The following BMPR1A variants were observed in gnomAD, a reference collection of about 807,000 sequenced individuals.
BMPR1A encodes the protein bone morphogenetic protein receptor type-1A.
In BMPR1A, 7 loss-of-function variants were observed where a neutral mutation model predicts 66.0. That is an observed-to-expected ratio of 0.11 (90% CI 0.06 to 0.20). The LOEUF (loss-of-function observed/expected upper bound fraction) is 0.20. Among genes scored for constraint, BMPR1A ranks in the 10% least tolerant of loss-of-function variants. The probability of loss-of-function intolerance (pLI) is 1.00; values close to 1 mark genes in which losing one functional copy is unlikely to be tolerated. For missense variants in BMPR1A, 408 were observed against 669.1 expected (o/e 0.61, Z 4.31); for synonymous variants, 200 against 229.7 (o/e 0.87, Z 1.17).
At chr10:86,758,855 A>G (rs1159228796) in intron 1 of BMPR1A, among the ~76,000 whole-genome samples, 1 of 152,206 alleles carries the variant, frequency 6.6e-6, no homozygotes, top group Non-Finnish European at 1.5e-5. Flanking sequence ...AGTTTTCTGT[A>G]AGATTTAACA....
At chr10:86,889,334 A>G (rs943033250) in intron 3 of BMPR1A, among the ~76,000 whole-genome samples, 2 of 152,222 alleles carry the variant, frequency 1.3e-5, no homozygotes, top group African/African-American at 4.8e-5. Flanking sequence ...TCCAGATAAC[A>G]TGATTGGTCC....
chr10:86,912,424 T>C (rs1843505388), intron 8 of BMPR1A, 40 bp downstream of exon 8: 1 of 1,609,846 alleles, frequency 6.2e-7, no homozygotes, highest in African/African-American at 1.3e-5. Context: ...GGTGTGTTGA[T>C]TTAGAATGTG....
chr10:86,846,147 A>T (rs759076682), intron 2 of BMPR1A, among the ~76,000 whole-genome samples: 5 of 152,236 alleles, frequency 3.3e-5, no homozygotes, highest in Non-Finnish European at 7.4e-5. Context: ...TTGTGCTGGC[A>T]GTAGGGTGTT....
At chr10:86,775,401 T>C (rs1024532741) in intron 1 of BMPR1A, among the ~76,000 whole-genome samples, 1 of 152,200 alleles carries the variant, frequency 6.6e-6, no homozygotes. Context: ...GCTTTCAGTT[T>C]CCTGCTTATC....
At chr10:86,793,072 T>G (rs77353392) in intron 1 of BMPR1A, among the ~76,000 whole-genome samples, 1 of 151,940 alleles carries the variant, frequency 6.6e-6, no homozygotes, top group African/African-American at 2.4e-5. Context: ...CTATGTGTCC[T>G]TTTTTCATCC....
intron 1 of BMPR1A, among the ~76,000 whole-genome samples, chr10:86,810,342 G>A (rs993866829): frequency 1.3e-5 from 2 of 152,088 alleles, no homozygotes; most frequent in African/African-American, 4.8e-5. Flanking sequence ...AGGCATTTGG[G>A]TTATTTTCAC....
At chr10:86,869,583 TC>T (rs1842827813) in intron 2 of BMPR1A, among the ~76,000 whole-genome samples, 1 of 151,104 alleles carries the variant, frequency 6.6e-6, no homozygotes, top group Non-Finnish European at 1.5e-5. Context: ...ATGGAGAAAC[TC>T]CATCTCTACT....
At chr10:86,850,885 G>A (rs1219248004) in intron 2 of BMPR1A, among the ~76,000 whole-genome samples, 1 of 152,094 alleles carries the variant, frequency 6.6e-6, no homozygotes, top group Non-Finnish European at 1.5e-5. Context: ...CATAAAGTAG[G>A]TGCATTGTTC....
chr10:86,813,291 A>G (rs748022777), intron 1 of BMPR1A, among the ~76,000 whole-genome samples: 6 of 152,114 alleles, frequency 3.9e-5, no homozygotes, highest in Non-Finnish European at 7.3e-5. Context: ...CTACCTTATA[A>G]AATGAGACTT....
intron 3 of BMPR1A, among the ~76,000 whole-genome samples, chr10:86,884,909 TTA>T (rs1843050456): frequency 6.6e-6 from 1 of 152,348 alleles, no homozygotes; most frequent in Non-Finnish European, 1.5e-5. Context: ...TATGCAGTTT[TTA>T]TGTTCAACTG....
At chr10:86,768,882 T>G (rs1337017871) in intron 1 of BMPR1A, among the ~76,000 whole-genome samples, 3 of 151,878 alleles carry the variant, frequency 2.0e-5, no homozygotes, top group Non-Finnish European at 4.4e-5. Flanking sequence ...TCAGGGCTAC[T>G]GTGAGGACTA....
chr10:86,905,618 G>A (rs1419120888), intron 7 of BMPR1A, among the ~76,000 whole-genome samples: 20 of 151,994 alleles, frequency 1.3e-4, no homozygotes, highest in Non-Finnish European at 1.5e-5. Context: ...ACTCACTCTT[G>A]TTGATGTTTG....
chr10:86,921,366 G>A (rs539320786), intron 10 of BMPR1A, among the ~76,000 whole-genome samples, 154 bp from the exon 11 acceptor site: 10 of 152,260 alleles, frequency 6.6e-5, no homozygotes, highest in Non-Finnish European at 1.0e-4. Context: ...GTAGTATGTA[G>A]CATGTATTTA....
At chr10:86,810,636 T>C (rs568650150) in intron 1 of BMPR1A, among the ~76,000 whole-genome samples, 1 of 152,378 alleles carries the variant, frequency 6.6e-6, no homozygotes, top group African/African-American at 2.4e-5. Flanking sequence ...TCGTGTTTTT[T>C]ATTTGTGTTT....
At chr10:86,835,376 C>T (rs886382536) in intron 1 of BMPR1A, among the ~76,000 whole-genome samples, 1 of 149,654 alleles carries the variant, frequency 6.7e-6, no homozygotes, top group African/African-American at 2.5e-5. Flanking sequence ...CCAGCCTGGC[C>T]AACATGGTGA....
intron 5 of BMPR1A, among the ~76,000 whole-genome samples, chr10:86,899,551 G>A (rs935840352): frequency 1.3e-5 from 2 of 152,072 alleles, no homozygotes; most frequent in African/African-American, 4.8e-5. Context: ...ACCTAAGTTC[G>A]GGTTTGGTGT....
At chr10:86,800,917 G>A (rs955385885) in intron 1 of BMPR1A, among the ~76,000 whole-genome samples, 1 of 152,230 alleles carries the variant, frequency 6.6e-6, no homozygotes. Context: ...TAGTGCCGCT[G>A]TGAGGAAAAT....
intron 7 of BMPR1A, among the ~76,000 whole-genome samples, chr10:86,902,668 G>C (rs1843330183): frequency 6.6e-6 from 1 of 152,234 alleles, no homozygotes; most frequent in South Asian, 2.1e-4. Context: ...GTGTCAGGCT[G>C]TGAAGGATAC....
chr10:86,921,718 AT>A (rs754145972), intron 11 of BMPR1A, 23 bp downstream of exon 11: 1 of 1,614,052 alleles, frequency 6.2e-7, no homozygotes, highest in East Asian at 2.2e-5. Flanking sequence ...GTAGTTTCTG[AT>A]TATGTTGATT....
Sources: allele counts gnomAD v4.1 joint callset (sites outside exome capture counted in the v4.1 genomes callset), GRCh38; gene constraint gnomAD v4.1.1; transcripts MANE v1.5; gene names NCBI Gene and HGNC (gene_info 2026-07-23, HGNC 2026-07-21).